The following ASCC3 variants were observed in gnomAD, a reference collection of about 807,000 sequenced individuals.
ASCC3 encodes activating signal cointegrator 1 complex subunit 3, also known as ASC-1 complex subunit P200.
Under a neutral mutation model 256.3 loss-of-function variants are expected in ASCC3, and 158 were observed. The ratio of observed to expected loss-of-function variants is 0.62; its 90% CI spans 0.54 to 0.70. The LOEUF (loss-of-function observed/expected upper bound fraction) is 0.70. ASCC3 is among the 30% of genes least tolerant of loss of function. The pLI, the probability that ASCC3 is intolerant of heterozygous loss-of-function variation, is 0.00. For missense variants in ASCC3, 2,259 were observed against 2,626.0 expected (o/e 0.86, Z 3.05); for synonymous variants, 948 against 883.4 (o/e 1.07, Z -1.30).
chr6:100,839,191 T>C (rs1024990863), intron 4 of ASCC3, among the ~76,000 whole-genome samples: 10 of 152,090 alleles, frequency 6.6e-5, no homozygotes, highest in Admixed American at 2.0e-4. Flanking sequence ...CCTTCTTAAA[T>C]GTATGTATGA....
chr6:100,812,218 G>A (rs370452845), intron 4 of ASCC3, among the ~76,000 whole-genome samples: 5 of 152,128 alleles, frequency 3.3e-5, no homozygotes, highest in South Asian at 4.1e-4. Flanking sequence ...AATATCCAGC[G>A]TATCCACAAT....
chr6:100,797,615 G>T (rs1769695805), intron 8 of ASCC3, among the ~76,000 whole-genome samples: 1 of 151,810 alleles, frequency 6.6e-6, no homozygotes, highest in African/African-American at 2.4e-5. Flanking sequence ...TTGGCTGTCA[G>T]TCCTGGCTGT....
At chr6:100,566,598 C>T (rs1770263355) in intron 36 of ASCC3, among the ~76,000 whole-genome samples, 1 of 152,168 alleles carries the variant, frequency 6.6e-6, no homozygotes, top group South Asian at 2.1e-4. Flanking sequence ...ACTGTATCTT[C>T]TATTACAATG....
intron 32 of ASCC3, 151 bp from the exon 33 acceptor site, chr6:100,605,851 G>C (rs1237507289): frequency 1.3e-6 from 1 of 781,230 alleles, no homozygotes; most frequent in Middle Eastern, 2.7e-4. Flanking sequence ...CTACTACTAC[G>C]TTGAGTTCCC....
rs112523939 is a variant in ASCC3 at position 100,638,811 on chromosome 6, A to G, written c.3912T>C (p.Asp1304=). 1.2e-6 allele frequency: 2 copies of G among 1,614,102 alleles called. No individual in the cohort carries two copies. Among genetic ancestry groups the G allele is most frequent in the African/African-American group, 1.3e-5 (1 of 75,056 alleles). The change falls in exon 25 of 42, where the codon GAT becomes GAC. Residue 1304 remains aspartate (D), a synonymous_variant. Transcript: ENST00000369162. ...ERHPPHTELL[D]LQPLPITALG... is the part of the protein sequence containing the mutation. ...AAGCTGTGATTGGTAAAGGCTGAAG[A>G]TCCAGTAATTCTGAAAAGACCCAAC...
At chr6:100,829,333 G>C (rs1480262913) in intron 4 of ASCC3, among the ~76,000 whole-genome samples, 2 of 151,978 alleles carry the variant, frequency 1.3e-5, no homozygotes, top group South Asian at 2.1e-4. Context: ...GGAGTGGCGG[G>C]GAGGCTCAGG....
At chr6:100,544,750 A>C (rs1775625692) in intron 36 of ASCC3, among the ~76,000 whole-genome samples, 1 of 152,172 alleles carries the variant, frequency 6.6e-6, no homozygotes. Context: ...AGAAAGAATT[A>C]AAACCAATTC....
At chr6:100,552,941 T>C (rs2114688243) in intron 36 of ASCC3, among the ~76,000 whole-genome samples, 1 of 152,108 alleles carries the variant, frequency 6.6e-6, no homozygotes, top group East Asian at 1.9e-4. Context: ...AAAAGAGATT[T>C]AAAATGAAGA....
intron 4 of ASCC3, among the ~76,000 whole-genome samples, chr6:100,846,172 A>G (rs1772373392): frequency 6.6e-6 from 1 of 152,158 alleles, no homozygotes; most frequent in Non-Finnish European, 1.5e-5. Context: ...AGTGAAAACA[A>G]CACTGGTCAA....
At chr6:100,733,760 T>A (rs1780016659) in intron 10 of ASCC3, among the ~76,000 whole-genome samples, 1 of 152,136 alleles carries the variant, frequency 6.6e-6, no homozygotes, top group African/African-American at 2.4e-5. Context: ...AAACTCAACC[T>A]CTTGAAAGCA....
chr6:100,772,556 T>C (rs7740006), intron 8 of ASCC3, among the ~76,000 whole-genome samples: 82,972 of 151,538 alleles, frequency 0.55, 23,035 homozygotes, highest in South Asian at 0.75. Context: ...CATTTGCTTA[T>C]GCTTTCATTT....
At chr6:100,532,414 T>A (rs868139201) in intron 37 of ASCC3, among the ~76,000 whole-genome samples, 1,687 of 129,240 alleles carry the variant, frequency 0.013, 14 homozygotes, top group East Asian at 0.11. Flanking sequence ...ATATTTTTTT[T>A]TTTTTTTTTT....
intron 1 of ASCC3, among the ~76,000 whole-genome samples, chr6:100,876,319 C>T (rs1364049746): frequency 6.6e-6 from 1 of 152,104 alleles, no homozygotes; most frequent in Non-Finnish European, 1.5e-5. Flanking sequence ...TTTTTTCTAA[C>T]ACAGAGGCAA....
At chr6:100,733,968 G>A (rs933609982) in intron 10 of ASCC3, among the ~76,000 whole-genome samples, 3 of 152,090 alleles carry the variant, frequency 2.0e-5, no homozygotes, top group African/African-American at 7.2e-5. Context: ...TGGGACAAAG[G>A]ACACTGTGCC....
chr6:100,630,541 G>GT (rs201601696), intron 26 of ASCC3, among the ~76,000 whole-genome samples: 136 of 145,186 alleles, frequency 9.4e-4, no homozygotes, highest in Non-Finnish European at 1.3e-3. Flanking sequence ...AATTCATATA[G>GT]TTTTTTTTAC....
rs76546615 is a variant in ASCC3 at position 100,812,420 on chromosome 6, C to T, written c.802-6540G>A. Among the ~76,000 whole-genome samples the T allele has an allele frequency of 1.7e-3, 261 of 151,376 alleles. 1 individual carries two copies. The highest frequency in any genetic ancestry group is 3.2e-3 in the Non-Finnish European group (218 of 67,860). On this transcript the variant is annotated intron_variant, in intron 4 of 41. Coordinates refer to ENST00000369162, the MANE Select transcript of ASCC3 (RefSeq NM_006828.4). The stretch of plus-strand genomic sequence containing the variant: ...ATATGTTCAAAGAACTAAAGAGAAC[C>T]GTGATTAAAGAATTAAACAATGACC...
At position 100,659,856 on chromosome 6, in the gene ASCC3, C is replaced by T. The variant is rs116202574; in HGVS notation, c.2703+1950G>A. Among the ~76,000 whole-genome samples, 261 of 151,736 alleles carry T rather than the reference C, an allele frequency of 1.7e-3. 1 individual carries two copies. The highest frequency in any genetic ancestry group is 6.0e-3 in the African/African-American group (247 of 41,512). On this transcript the variant is annotated intron_variant, in intron 16 of 41. Coordinates refer to ENST00000369162, the MANE Select transcript of ASCC3 (RefSeq NM_006828.4). ...TCATATTTAACTTTAGCATTTAAGT[C>T]TGTTCTTCAAAACTACGTTAATCTT...
chr6:100,683,957 T>TG (rs745329018), intron 13 of ASCC3, among the ~76,000 whole-genome samples: 11 of 152,028 alleles, frequency 7.2e-5, no homozygotes, highest in Admixed American at 1.3e-4. Flanking sequence ...TTCCCATACT[T>TG]GGGAAAAAAA....
At chr6:100,641,929 C>T (rs1383910911) in intron 24 of ASCC3, among the ~76,000 whole-genome samples, 1 of 150,884 alleles carries the variant, frequency 6.6e-6, no homozygotes, top group African/African-American at 2.4e-5. Context: ...AACCAAACAC[C>T]ACGTGTTCTC....
Sources: allele counts gnomAD v4.1 joint callset (sites outside exome capture counted in the v4.1 genomes callset), GRCh38; gene constraint gnomAD v4.1.1; transcripts MANE v1.5; gene names NCBI Gene and HGNC (gene_info 2026-07-23, HGNC 2026-07-21).